Variants in PDZRN4 observed in about 807,000 individuals in gnomAD.
PDZRN4 encodes PDZ domain containing ring finger 4, also known as PDZ domain-containing RING finger protein 4.
PDZRN4 carries 70 observed loss-of-function variants against 99.0 expected under a neutral mutation model. The ratio of observed to expected loss-of-function variants is 0.71; its 90% CI spans 0.58 to 0.86. The LOEUF (loss-of-function observed/expected upper bound fraction) is 0.86, where lower values mean the gene tolerates loss of function less well. Ranked by LOEUF, PDZRN4 falls within the 40% of genes least tolerant of loss-of-function variation. The pLI, the probability that PDZRN4 is intolerant of heterozygous loss-of-function variation, is 0.00. For synonymous variants in PDZRN4, 551 were observed against 501.6 expected (o/e 1.10, Z -1.32); for missense variants, 1,474 against 1,331.2 (o/e 1.11, Z -1.67).
At chr12:41,484,527 A>C (rs914424192) in intron 3 of PDZRN4, among the ~76,000 whole-genome samples, 1 of 152,216 alleles carries the variant, frequency 6.6e-6, no homozygotes, top group Non-Finnish European at 1.5e-5. Flanking sequence ...GCATCCCACC[A>C]CAATGAGGTT....
In PDZRN4 at chr12:41,496,900, G is replaced by A. The variant is rs182618639; in HGVS notation, c.844-9556G>A. Among the ~76,000 whole-genome samples the A allele has an allele frequency of 3.8e-3, 572 of 152,210 alleles. 3 individuals carry two copies. The highest frequency in any genetic ancestry group is 6.1e-3 in the Non-Finnish European group (415 of 67,996). ...ATCATTCAGTGCGTTTTGTACAGAA[G>A]CATTTAAATAGTGAAGCCTTATGTT... is the stretch of plus-strand genomic sequence containing the variant. On this transcript the variant is annotated intron_variant, in intron 3 of 9. Transcript: ENST00000402685.
At position 41,193,710 on chromosome 12, in the gene PDZRN4, GT is replaced by G. The variant is rs539183675; in HGVS notation, c.736-364del. Among the ~76,000 whole-genome samples, 50 of 152,244 alleles carry G rather than the reference GT, an allele frequency of 3.3e-4. No individual in the cohort carries two copies. The East Asian group carries it at 8.5e-3, about 26-fold the overall frequency. On this transcript the variant is annotated intron_variant, in intron 2 of 9. Coordinates refer to ENST00000402685, the MANE Select transcript of PDZRN4 (RefSeq NM_001164595.2). Reference sequence around the variant, plus strand: ...GTTATACAGTGGGAACCAGATATATGTTTTTTTCCTTCTTTAACCTTATCAC... The same window carrying G: ...GTTATACAGTGGGAACCAGATATATGTTTTTTCCTTCTTTAACCTTATCAC...
intron 3 of PDZRN4, among the ~76,000 whole-genome samples, chr12:41,303,297 G>GA (rs1426565275): frequency 6.6e-6 from 1 of 152,162 alleles, no homozygotes; most frequent in African/African-American, 2.4e-5. Flanking sequence ...GATTTTTAGA[G>GA]AAAACCCTCC....
intron 3 of PDZRN4, among the ~76,000 whole-genome samples, chr12:41,501,914 G>T (rs923016552): frequency 6.6e-6 from 1 of 151,876 alleles, no homozygotes; most frequent in African/African-American, 2.4e-5. Flanking sequence ...TAATTCATTT[G>T]AATATATACC....
chr12:41,355,485 T>A (rs1951920748), intron 3 of PDZRN4, among the ~76,000 whole-genome samples: 1 of 152,122 alleles, frequency 6.6e-6, no homozygotes, highest in Admixed American at 6.6e-5. Flanking sequence ...CTTTCTGATA[T>A]CCTTCAATTA....
chr12:41,375,618 G>T (rs879533870), intron 3 of PDZRN4, among the ~76,000 whole-genome samples: 1 of 151,944 alleles, frequency 6.6e-6, no homozygotes, highest in South Asian at 2.1e-4. Context: ...CTTTATTGAG[G>T]TATAATTGAC....
At chr12:41,501,361 C>A (rs1034870752) in intron 3 of PDZRN4, among the ~76,000 whole-genome samples, 1 of 152,048 alleles carries the variant, frequency 6.6e-6, no homozygotes, top group African/African-American at 2.4e-5. Context: ...GAAAATTTTG[C>A]ATGTGGTTGG....
intron 3 of PDZRN4, among the ~76,000 whole-genome samples, chr12:41,468,866 G>A (rs926714751): frequency 7.9e-5 from 12 of 151,738 alleles, no homozygotes; most frequent in Non-Finnish European, 7.4e-5. Flanking sequence ...CAAATCAGTC[G>A]GGCATGATGG....
chr12:41,483,027 A>G (rs1318486174), intron 3 of PDZRN4, among the ~76,000 whole-genome samples: 1 of 151,740 alleles, frequency 6.6e-6, no homozygotes, highest in East Asian at 1.9e-4. Context: ...ATTATATATA[A>G]TATATATTAC....
chr12:41,573,946 G>C lies in PDZRN4; in HGVS notation c.*56G>C. On this transcript the variant is annotated 3_prime_UTR_variant, in exon 10 of 10. Coordinates refer to ENST00000402685, the MANE Select transcript of PDZRN4 (RefSeq NM_001164595.2). ...TAGGAGGATGCTACCAGTTTCGGTA[G>C]AGTATGATTGCCTCGTTCAATGTGG... The C allele has an allele frequency of 8.0e-7, 1 of 1,245,762 alleles. No homozygotes were observed. Among genetic ancestry groups the C allele is most frequent in the African/African-American group, 1.5e-5 (1 of 66,916 alleles). The allele number at this position is 1,245,762 out of a possible 1,614,324, so 77.2% of individuals were successfully genotyped here. A position where few individuals can be genotyped will look rare whatever the true frequency, so the allele number is the denominator to read the frequency against.
At chr12:41,302,046 A>C (rs1190025539) in intron 3 of PDZRN4, among the ~76,000 whole-genome samples, 2 of 152,070 alleles carry the variant, frequency 1.3e-5, no homozygotes, top group African/African-American at 4.8e-5. Context: ...CATTAATAGA[A>C]TATTTCATAT....
At chr12:41,307,849 A>G (rs568689759) in intron 3 of PDZRN4, among the ~76,000 whole-genome samples, 1 of 152,238 alleles carries the variant, frequency 6.6e-6, no homozygotes, top group Non-Finnish European at 1.5e-5. Flanking sequence ...TTTTATAGAT[A>G]TTATTTCATC....
In PDZRN4 at chr12:41,418,601, T is replaced by C. The variant is rs191134427; in HGVS notation, c.844-87855T>C. Reference sequence around the variant, plus strand: ...ATGACTTTGTCCTATTTTAAATGGTTAAATGGGAGAATCTGTGAGAGTCAC... The same window carrying C: ...ATGACTTTGTCCTATTTTAAATGGTCAAATGGGAGAATCTGTGAGAGTCAC... On this transcript the variant is annotated intron_variant, in intron 3 of 9. Transcript: ENST00000402685. Among the ~76,000 whole-genome samples, 12 of 152,330 alleles carry C rather than the reference T, an allele frequency of 7.9e-5. No homozygotes were observed. The East Asian group carries it at 2.3e-3, about 29-fold the overall frequency.
At chr12:41,486,408 T>C (rs1056163741) in intron 3 of PDZRN4, among the ~76,000 whole-genome samples, 1 of 152,142 alleles carries the variant, frequency 6.6e-6, no homozygotes, top group African/African-American at 2.4e-5. Flanking sequence ...ACTTCATCTC[T>C]GTCATGCAAA....
At chr12:41,414,769 C>T (rs1408813035) in intron 3 of PDZRN4, among the ~76,000 whole-genome samples, 1 of 152,010 alleles carries the variant, frequency 6.6e-6, no homozygotes, top group African/African-American at 2.4e-5. Context: ...TAAAATGCTA[C>T]AAAGATGTGT....
At chr12:41,532,374 T>C (rs900405685) in intron 5 of PDZRN4, among the ~76,000 whole-genome samples, 13 of 152,200 alleles carry the variant, frequency 8.5e-5, no homozygotes, top group Admixed American at 8.5e-4. Flanking sequence ...ACTTTATTCT[T>C]ACAAATATCT....
chr12:41,206,829 C>T (rs758917741), intron 3 of PDZRN4, among the ~76,000 whole-genome samples: 13 of 151,866 alleles, frequency 8.6e-5, no homozygotes, highest in Non-Finnish European at 1.8e-4. Flanking sequence ...GGTTTTCTCT[C>T]GGAGAAAGAG....
chr12:41,564,632 G>A (rs1212376981), intron 8 of PDZRN4, among the ~76,000 whole-genome samples: 2 of 151,972 alleles, frequency 1.3e-5, no homozygotes, highest in African/African-American at 2.4e-5. Context: ...CATATATTTC[G>A]TTTATGCCCT....
intron 3 of PDZRN4, among the ~76,000 whole-genome samples, chr12:41,258,260 ATATT>A (rs1423330422): frequency 6.6e-6 from 1 of 152,206 alleles, no homozygotes; most frequent in African/African-American, 2.4e-5. Flanking sequence ...CCAAAGGAAA[ATATT>A]TATATCTTGT....
Sources: gnomAD v4.1 joint callset for allele counts (sites outside exome capture counted in the v4.1 genomes callset) on GRCh38, gnomAD v4.1.1 for gene constraint, MANE v1.5 for transcripts, NCBI Gene and HGNC (gene_info 2026-07-23, HGNC 2026-07-21) for gene names.